The following TSPEAR variants were observed in gnomAD, a reference collection of about 807,000 sequenced individuals.
TSPEAR encodes thrombospondin-type laminin G domain and EAR repeat-containing protein.
Under a neutral mutation model 71.6 loss-of-function variants are expected in TSPEAR, and 69 were observed. That is an observed-to-expected ratio of 0.96 (90% CI 0.79 to 1.18). The LOEUF is 1.18. Among genes scored for constraint, TSPEAR ranks in the 50% most tolerant of loss-of-function variants. The probability of loss-of-function intolerance (pLI) is 0.00; values close to 1 mark genes in which losing one functional copy is unlikely to be tolerated. For missense variants in TSPEAR, 971 were observed against 894.9 expected, an observed-to-expected ratio of 1.09 and a Z score of -1.09; for synonymous variants, 402 against 387.2, an observed-to-expected ratio of 1.04 and a Z score of -0.45.
At chr21:44,646,196 T>G (rs1286666732) in intron 1 of TSPEAR, among the ~76,000 whole-genome samples, 1 of 119,850 alleles carries the variant, frequency 8.3e-6, no homozygotes, top group Non-Finnish European at 1.7e-5. Flanking sequence ...AAATAAAAAC[T>G]GATGAAGAAA....
Position 44,529,073 on chromosome 21 carries a change from G to A in TSPEAR, c.791-490C>T, listed in dbSNP as rs587674974. ...GGGACATCTGTGCACCTGCCAGCCG[G>A]TGCTGGCCAGCGGTGTGACACAGTA... On this transcript the variant is annotated intron_variant, in intron 5 of 11. Coordinates refer to ENST00000323084, the MANE Select transcript of TSPEAR (RefSeq NM_144991.3). 8.5e-5 allele frequency among the ~76,000 whole-genome samples: 13 copies of A among 152,306 alleles called. No individual in the cohort carries two copies. In the South Asian group the frequency reaches 2.3e-3, roughly 27 times the overall value.
chr21:44,687,888 C>T lies in TSPEAR; in HGVS notation c.82+23545G>A, dbSNP rs1273896973. ...TGCTGCAGTGTGTGAGTGAAGTGTG[C>T]GGTTGCTGCACCTTCCCCTGCAGTG... On this transcript the variant is annotated intron_variant, in intron 1 of 11. Coordinates refer to ENST00000323084, the MANE Select transcript of TSPEAR (RefSeq NM_144991.3). The surrounding 1 kb of genome is among the most constrained non-coding windows in gnomAD (Gnocchi z 4.4). Among the ~76,000 whole-genome samples the T allele has an allele frequency of 6.6e-6, 1 of 152,106 alleles. No individual in the cohort carries two copies. The highest frequency in any genetic ancestry group is 2.4e-5 in the African/African-American group (1 of 41,422).
intron 1 of TSPEAR, chr21:44,690,709 T>C: frequency 1.9e-6 from 1 of 517,684 alleles, no homozygotes; most frequent in African/African-American, 2.1e-5. Flanking sequence ...GCATATGTGT[T>C]TTTCTAAGGC....
chr21:44,602,359 G>A (rs944859441), intron 1 of TSPEAR, among the ~76,000 whole-genome samples: 6 of 152,198 alleles, frequency 3.9e-5, no homozygotes, highest in Non-Finnish European at 8.8e-5. Flanking sequence ...TGGGAGAGGT[G>A]AGGGATCCAA....
In TSPEAR at chr21:44,527,323, T is replaced by C. The variant is rs781870733; in HGVS notation, c.1118A>G (p.Gln373Arg). 6 of 1,614,092 alleles carry C rather than the reference T, an allele frequency of 3.7e-6. No individual in the cohort carries two copies. The highest frequency in any genetic ancestry group is 3.3e-5 in the South Asian group (3 of 91,090). The stretch of plus-strand genomic sequence containing the variant: ...CCCGATGGTGAAATGCCTCCAGGCC[T>C]GTGCTTGGTGCGTGGGGATGTTCTG... ...SYQNIPTHQA[Q>R]AWRHFTIGKK... The change falls in exon 7 of 12, where the codon CAG (glutamine) becomes CGG (arginine). Residue 373 changes from glutamine to arginine, a missense_variant. Physicochemically the swap from Gln to Arg is conservative, Grantham distance 43. Transcript: ENST00000323084.
At chr21:44,676,588 G>C (rs587655246) in intron 1 of TSPEAR, 1 of 727,634 alleles carries the variant, frequency 1.4e-6, no homozygotes, top group African/African-American at 1.7e-5. Context: ...TTCTTGTTCC[G>C]AGAGTTTCTC....
At chr21:44,535,152 G>A (rs1325871866) in intron 2 of TSPEAR, among the ~76,000 whole-genome samples, 1 of 152,126 alleles carries the variant, frequency 6.6e-6, no homozygotes, top group African/African-American at 2.4e-5. Flanking sequence ...GGACGGTGGT[G>A]ATGGCTGCAC....
intron 1 of TSPEAR, chr21:44,628,204 C>T (rs2146204909): frequency 8.4e-6 from 7 of 836,914 alleles, no homozygotes; most frequent in East Asian, 8.2e-5. Flanking sequence ...TCACTGGCTC[C>T]TCCCTGACCT....
intron 1 of TSPEAR, among the ~76,000 whole-genome samples, chr21:44,675,538 T>C (rs1373181450): frequency 6.7e-6 from 1 of 148,304 alleles, no homozygotes; most frequent in Non-Finnish European, 1.5e-5. Context: ...TTTTTTTTTT[T>C]CAGTTTTCAT....
At chr21:44,682,182 C>G in intron 1 of TSPEAR, 1 of 1,573,880 alleles carries the variant, frequency 6.4e-7, no homozygotes, top group Admixed American at 1.7e-5. Flanking sequence ...GGATGGCCTC[C>G]CTGGGTAGCC....
At chr21:44,694,939 C>T (rs984053350) in intron 1 of TSPEAR, among the ~76,000 whole-genome samples, 1 of 152,148 alleles carries the variant, frequency 6.6e-6, no homozygotes, top group Admixed American at 6.5e-5. Context: ...CTTCAATGTC[C>T]CTTCTGCTCA....
At chr21:44,630,681 G>A (rs1484794647) in intron 1 of TSPEAR, among the ~76,000 whole-genome samples, 2 of 120,066 alleles carry the variant, frequency 1.7e-5, no homozygotes, top group Non-Finnish European at 3.5e-5. Context: ...AAGGCAGGAA[G>A]TGAAGGGGAA....
Position 44,695,967 on chromosome 21 carries a change from A to G in TSPEAR, c.82+15466T>C, listed in dbSNP as rs1326893436. Among the ~76,000 whole-genome samples the G allele has an allele frequency of 6.6e-6, 1 of 152,186 alleles. No homozygotes were observed. Among genetic ancestry groups the G allele is most frequent in the African/African-American group, 2.4e-5 (1 of 41,448 alleles). ...ATCTCAGGATCCTCCAGGCTAGATG[A>G]GCCCTGGGGCTCTAGAGTCCTCAAC... On this transcript the variant is annotated intron_variant, in intron 1 of 11. Transcript: ENST00000323084. This position sits in a 1 kb window ranked among gnomAD's most constrained non-coding sequence, Gnocchi z 4.5.
intron 1 of TSPEAR, among the ~76,000 whole-genome samples, chr21:44,667,885 T>C (rs1224617830): frequency 1.3e-5 from 2 of 152,114 alleles, no homozygotes; most frequent in Non-Finnish European, 2.9e-5. Context: ...ATGACAACAA[T>C]CAACAAACTA....
chr21:44,647,451 C>T, intron 1 of TSPEAR: 1 of 1,382,248 alleles, frequency 7.2e-7, no homozygotes, highest in Non-Finnish European at 9.9e-7. Flanking sequence ...CCACCAGCTC[C>T]ATCAGTAGCC....
intron 2 of TSPEAR, among the ~76,000 whole-genome samples, chr21:44,565,222 G>A (rs2053687046): frequency 6.6e-6 from 1 of 151,920 alleles, no homozygotes; most frequent in Admixed American, 6.6e-5. Flanking sequence ...TTAAGATGCT[G>A]GAGAAAGAAG....
chr21:44,588,604 T>C (rs1979497551), intron 1 of TSPEAR, among the ~76,000 whole-genome samples: 1 of 150,924 alleles, frequency 6.6e-6, no homozygotes. Flanking sequence ...CAATTCGCAA[T>C]TGCAAAAATG....
chr21:44,624,942 G>C (rs1982672408), intron 1 of TSPEAR, among the ~76,000 whole-genome samples: 1 of 152,124 alleles, frequency 6.6e-6, no homozygotes, highest in African/African-American at 2.4e-5. Context: ...GATTTTGTTT[G>C]TTAAACCAGG....
In TSPEAR at chr21:44,554,582, C is replaced by T. The variant is rs369844243; in HGVS notation, c.303+13203G>A. ...TTATAACAGATGCATACAACAGATGCATATTCTACATCCTAATTGAATGGC... is the reference window on the plus strand; with the variant it reads ...TTATAACAGATGCATACAACAGATGTATATTCTACATCCTAATTGAATGGC... On this transcript the variant is annotated intron_variant, in intron 2 of 11. Coordinates refer to ENST00000323084, the MANE Select transcript of TSPEAR (RefSeq NM_144991.3). Among the ~76,000 whole-genome samples the T allele has an allele frequency of 1.4e-4, 22 of 152,346 alleles. No homozygotes were observed. The South Asian group carries it at 4.1e-3, about 29-fold the overall frequency.
Sources: gnomAD v4.1 joint callset for allele counts (sites outside exome capture counted in the v4.1 genomes callset) on GRCh38, gnomAD v4.1.1 for gene constraint, Gnocchi (gnomAD v3.1) non-coding constraint, MANE v1.5 for transcripts, NCBI Gene and HGNC (gene_info 2026-07-23, HGNC 2026-07-21) for gene names.